The following CSMD1 variants were observed in gnomAD, a reference collection of about 807,000 sequenced individuals.
CSMD1 encodes the protein CUB and Sushi multiple domains 1.
Under a neutral mutation model 417.5 loss-of-function variants are expected in CSMD1, and 213 were observed. The observed-to-expected ratio is 0.51, with a 90% CI of 0.46 to 0.57. The LOEUF (loss-of-function observed/expected upper bound fraction) is 0.57. CSMD1 is among the 20% of genes least tolerant of loss of function. CSMD1 has a pLI of 0.00. For missense variants in CSMD1, 6,923 were observed against 4,529.7 expected (o/e 1.53, Z -15.17); for synonymous variants, 2,862 against 1,736.8 (o/e 1.65, Z -16.11).
intron 3 of CSMD1, among the ~76,000 whole-genome samples, chr8:4,400,118 G>T (rs953099018): frequency 6.6e-6 from 1 of 152,152 alleles, no homozygotes; most frequent in Non-Finnish European, 1.5e-5. Context: ...TATACTCTCT[G>T]CTCTATAGTA....
At chr8:3,361,044 T>G (rs1003223081) in intron 20 of CSMD1, among the ~76,000 whole-genome samples, 1 of 152,188 alleles carries the variant, frequency 6.6e-6, no homozygotes, top group Non-Finnish European at 1.5e-5. Context: ...CAATCTACTC[T>G]GGATCTGTAA....
intron 10 of CSMD1, among the ~76,000 whole-genome samples, chr8:3,574,072 A>G: frequency 6.6e-6 from 1 of 152,206 alleles, no homozygotes; most frequent in East Asian, 1.9e-4. Flanking sequence ...ATGCAAACTT[A>G]CAGAGAAATA....
intron 41 of CSMD1, among the ~76,000 whole-genome samples, chr8:3,134,851 C>A (rs1440511998): frequency 6.6e-6 from 1 of 152,174 alleles, no homozygotes; most frequent in African/African-American, 2.4e-5. Context: ...TGTGCATAAC[C>A]CTTGGAATTT....
intron 1 of CSMD1, among the ~76,000 whole-genome samples, chr8:4,966,028 A>C (rs949435396): frequency 6.6e-6 from 1 of 152,024 alleles, no homozygotes; most frequent in Non-Finnish European, 1.5e-5. Context: ...ATGATATGCA[A>C]GTATTTTTAG....
At chr8:4,314,954 A>T (rs544645175) in intron 3 of CSMD1, among the ~76,000 whole-genome samples, 2 of 152,188 alleles carry the variant, frequency 1.3e-5, no homozygotes, top group Non-Finnish European at 2.9e-5. Context: ...GACATTCTAC[A>T]TGGTGGGAGG....
rs546654912 is a variant in CSMD1, at chr8:4,593,612, T to C, written c.302+43730A>G. Among the ~76,000 whole-genome samples the C allele has an allele frequency of 1.3e-3, 199 of 152,210 alleles. 1 individual carries two copies. Among genetic ancestry groups the C allele is most frequent in the African/African-American group, 4.7e-3 (194 of 41,546 alleles). On this transcript the variant is annotated intron_variant, in intron 2 of 69. Coordinates refer to ENST00000635120, the MANE Select transcript of CSMD1 (RefSeq NM_033225.6). ...TAGAAAATAACAAATGACAGAAATA[T>C]TTTTATGATTTTTGTGATCCGGAGT...
At chr8:4,220,958 C>T (rs913563323) in intron 3 of CSMD1, among the ~76,000 whole-genome samples, 5 of 152,140 alleles carry the variant, frequency 3.3e-5, no homozygotes, top group East Asian at 1.9e-4. Context: ...CGGTTGAGTG[C>T]GCAGGCGCCC....
intron 5 of CSMD1, among the ~76,000 whole-genome samples, chr8:3,968,973 A>G (rs558355632): frequency 1.8e-4 from 28 of 152,312 alleles, no homozygotes; most frequent in Admixed American, 1.1e-3. Flanking sequence ...AATGCAGGGC[A>G]GGGACAGTGG....
At chr8:4,905,100 T>C (rs1805153232) in intron 1 of CSMD1, among the ~76,000 whole-genome samples, 1 of 152,300 alleles carries the variant, frequency 6.6e-6, no homozygotes, top group South Asian at 2.1e-4. Context: ...CTGTGGTGTA[T>C]TTTTAGTGCT....
At chr8:4,980,533 G>T (rs1343778016) in intron 1 of CSMD1, among the ~76,000 whole-genome samples, 1 of 152,300 alleles carries the variant, frequency 6.6e-6, no homozygotes, top group Non-Finnish European at 1.5e-5. Context: ...TGCCTTTTGG[G>T]TGAGATATTG....
At chr8:3,916,304 G>A (rs775502375) in intron 5 of CSMD1, among the ~76,000 whole-genome samples, 1 of 152,068 alleles carries the variant, frequency 6.6e-6, no homozygotes, top group Non-Finnish European at 1.5e-5. Context: ...AAATCACCTG[G>A]TTCTCAGCAC....
chr8:4,506,423 C>A (rs777267748), intron 2 of CSMD1, among the ~76,000 whole-genome samples: 1 of 152,132 alleles, frequency 6.6e-6, no homozygotes. Context: ...CGCCGCACTT[C>A]AGGCCTAGCC....
At chr8:3,611,663 G>C (rs1032727290) in intron 8 of CSMD1, among the ~76,000 whole-genome samples, 1 of 152,030 alleles carries the variant, frequency 6.6e-6, no homozygotes, top group Admixed American at 6.6e-5. Flanking sequence ...TCATGAGTTT[G>C]ACAGTTTTTC....
chr8:3,660,816 C>G (rs373472917), intron 7 of CSMD1, among the ~76,000 whole-genome samples: 1 of 152,140 alleles, frequency 6.6e-6, no homozygotes. Flanking sequence ...CCACCCCGCC[C>G]GACTGACTTT....
chr8:4,159,849 A>C (rs979872393), intron 3 of CSMD1, among the ~76,000 whole-genome samples: 2 of 152,156 alleles, frequency 1.3e-5, no homozygotes, highest in Non-Finnish European at 2.9e-5. Flanking sequence ...ATGGAAAACT[A>C]AAGACCGTAT....
chr8:3,470,514 C>G (rs543564542), intron 11 of CSMD1, among the ~76,000 whole-genome samples: 3 of 152,278 alleles, frequency 2.0e-5, no homozygotes, highest in African/African-American at 7.2e-5. Context: ...TTAAAACTTT[C>G]CCTGTTTTAT....
At chr8:4,857,371 G>C (rs1801865585) in intron 1 of CSMD1, among the ~76,000 whole-genome samples, 1 of 151,550 alleles carries the variant, frequency 6.6e-6, no homozygotes, top group South Asian at 2.1e-4. Flanking sequence ...AAAAGCAAGA[G>C]CAAACACATT....
intron 3 of CSMD1, among the ~76,000 whole-genome samples, chr8:4,033,009 G>C (rs527620096): frequency 2.0e-5 from 3 of 151,866 alleles, no homozygotes; most frequent in African/African-American, 7.3e-5. Flanking sequence ...GCTACCTGGA[G>C]GCTTTGTATG....
intron 1 of CSMD1, among the ~76,000 whole-genome samples, chr8:4,798,473 T>C (rs2028229): frequency 1.3e-5 from 2 of 151,946 alleles, no homozygotes; most frequent in Non-Finnish European, 2.9e-5. Context: ...ATAAAATGTC[T>C]ATTAAAAAGT....
Sources: allele counts gnomAD v4.1 joint callset (sites outside exome capture counted in the v4.1 genomes callset), GRCh38; gene constraint gnomAD v4.1.1; transcripts MANE v1.5; gene names NCBI Gene and HGNC (gene_info 2026-07-23, HGNC 2026-07-21).